The following NADSYN1 variants were observed in gnomAD, a reference collection of about 807,000 sequenced individuals.
The protein encoded by NADSYN1 is glutamine-dependent NAD(+) synthetase.
NADSYN1 carries 80 observed loss-of-function variants against 99.3 expected under a neutral mutation model. The observed-to-expected ratio is 0.81, with a 90% CI of 0.67 to 0.97. NADSYN1 has a LOEUF of 0.97. Ranked by LOEUF, NADSYN1 falls within the 50% of genes least tolerant of loss-of-function variation. The pLI is 0.00. For missense variants in NADSYN1, 859 were observed against 948.5 expected (o/e 0.91, Z 1.24); for synonymous variants, 385 against 372.1 (o/e 1.03, Z -0.40).
chr11:71,467,076 A>C (rs1949597206), intron 5 of NADSYN1, among the ~76,000 whole-genome samples: 1 of 152,206 alleles, frequency 6.6e-6, no homozygotes, highest in Non-Finnish European at 1.5e-5. Flanking sequence ...CTGCACAGAG[A>C]GGGAAGGCTG....
Position 71,484,346 on chromosome 11 carries a change from A to C in NADSYN1, c.1354A>C (p.Lys452Gln). Residue 452 changes from lysine (K) to glutamine (Q), a missense_variant, in exon 15 of 21, where the codon AAG becomes CAG. Physicochemically the swap from Lys to Gln is moderately conservative, Grantham distance 53. Coordinates refer to ENST00000319023, the MANE Select transcript of NADSYN1 (RefSeq NM_018161.5). ...HISLNIDPAV[K>Q]AVMGIFSLVT... is the part of the protein sequence containing the mutation. ...CAGTCTCAACATCGATCCAGCCGTGAAGGCCGTCATGGGCATCTTCAGCCT... is the reference window on the plus strand; with the variant it reads ...CAGTCTCAACATCGATCCAGCCGTGCAGGCCGTCATGGGCATCTTCAGCCT... 1.2e-6 allele frequency: 2 copies of C among 1,614,196 alleles called. No individual in the cohort carries two copies. Among genetic ancestry groups the C allele is most frequent in the Non-Finnish European group, 1.7e-6 (2 of 1,180,008 alleles).
intron 2 of NADSYN1, among the ~76,000 whole-genome samples, chr11:71,455,736 T>C (rs182957977): frequency 3.9e-5 from 6 of 152,354 alleles, no homozygotes; most frequent in African/African-American, 1.2e-4. Context: ...CTGTGAGCAA[T>C]ACATTTCTGC....
At chr11:71,473,499 A>G in intron 7 of NADSYN1, 70 bp from the exon 8 acceptor site, 1 of 1,539,670 alleles carries the variant, frequency 6.5e-7, no homozygotes, top group East Asian at 2.3e-5. Context: ...GGGAGAGTGC[A>G]AGGGGCTGCC....
chr11:71,458,343 G>A (rs1022705230), intron 2 of NADSYN1, 85 bp from the exon 3 acceptor site: 22 of 1,015,000 alleles, frequency 2.2e-5, no homozygotes, highest in African/African-American at 6.3e-5. Flanking sequence ...CCCCAGACAC[G>A]TTCAGACTGG....
Position 71,484,386 on chromosome 11 carries a change from G to A in NADSYN1, c.1394G>A (p.Ser465Asn), listed in dbSNP as rs777641462. Reference sequence around the variant, plus strand: ...ATCTTCAGCCTGGTGACGGGGAAGAGCCCTCTGTTTGCAGCTCATGGAGGA... The same window carrying A: ...ATCTTCAGCCTGGTGACGGGGAAGAACCCTCTGTTTGCAGCTCATGGAGGA... ...MGIFSLVTGK[S>N]PLFAAHGGSS... Residue 465 changes from serine to asparagine, a missense_variant, in exon 15 of 21, where the codon AGC becomes AAC. Physicochemically the swap from Ser to Asn is conservative, Grantham distance 46 (BLOSUM62 1). Transcript: ENST00000319023. The A allele has an allele frequency of 9.9e-6, 16 of 1,614,100 alleles. No individual in the cohort carries two copies. The highest frequency in any genetic ancestry group is 4.0e-5 in the African/African-American group (3 of 74,954).
In NADSYN1 at chr11:71,501,594, C is replaced by G; in HGVS notation, c.*242C>G. Reference sequence around the variant, plus strand: ...CCTCCCGCCAGCGTGCGCTTCCCCGCGAAGTCTGGCATTCTCCGAAGGAAG... The same window carrying G: ...CCTCCCGCCAGCGTGCGCTTCCCCGGGAAGTCTGGCATTCTCCGAAGGAAG... On this transcript the variant is annotated 3_prime_UTR_variant, in exon 21 of 21. Coordinates refer to ENST00000319023, the MANE Select transcript of NADSYN1 (RefSeq NM_018161.5). 3 of 522,890 alleles carry G rather than the reference C, an allele frequency of 5.7e-6. No homozygotes were observed. The South Asian group carries it at 7.9e-5, about 14-fold the overall frequency. 32.4% of individuals were successfully genotyped at this position (522,890 alleles called of 1,614,324 possible). A position where few individuals can be genotyped will look rare whatever the true frequency, so the allele number is the denominator to read the frequency against.
At chr11:71,477,990 G>A (rs534282409) in intron 9 of NADSYN1, among the ~76,000 whole-genome samples, 2 of 152,200 alleles carry the variant, frequency 1.3e-5, no homozygotes, top group Admixed American at 6.5e-5. Flanking sequence ...CCCAGAAGTC[G>A]CTGGCAGAGG....
At chr11:71,497,437 C>A (rs779931414) in intron 18 of NADSYN1, 46 bp from the exon 19 acceptor site, 19 of 1,612,474 alleles carry the variant, frequency 1.2e-5, no homozygotes, top group Non-Finnish European at 1.5e-5. Context: ...GCTCTCCCCC[C>A]GCTGTGACTT....
Position 71,497,464 on chromosome 11 carries a change from A to G in NADSYN1, c.1765-19A>G. The G allele has an allele frequency of 6.2e-7, 1 of 1,614,026 alleles. No homozygotes were observed. On this transcript the variant is annotated intron_variant, in intron 18 of 20. Coordinates refer to ENST00000319023, the MANE Select transcript of NADSYN1 (RefSeq NM_018161.5). ...CTGTGACTTGCTGTCATCATGGAACAGATTTTTGTTGTGCACAGGAAGATA... is the reference window on the plus strand; with the variant it reads ...CTGTGACTTGCTGTCATCATGGAACGGATTTTTGTTGTGCACAGGAAGATA...
chr11:71,463,389 C>T (rs1014625484), intron 3 of NADSYN1, 43 bp from the exon 4 acceptor site: 1 of 1,571,956 alleles, frequency 6.4e-7, no homozygotes, highest in East Asian at 2.2e-5. Flanking sequence ...CTCTGTGTTT[C>T]ATAACCGGGC....
At chr11:71,467,034 C>T (rs1949596841) in intron 5 of NADSYN1, among the ~76,000 whole-genome samples, 1 of 152,172 alleles carries the variant, frequency 6.6e-6, no homozygotes, top group Admixed American at 6.5e-5. Flanking sequence ...ACAGATGGCT[C>T]ACACTAAAAC....
chr11:71,455,227 T>A, intron 2 of NADSYN1, 57 bp downstream of exon 2: 1 of 1,465,492 alleles, frequency 6.8e-7, no homozygotes, highest in Non-Finnish European at 9.5e-7. Context: ...GCATCAGTTT[T>A]CCCCAGCTGA....
At chr11:71,463,995 C>A in intron 4 of NADSYN1, 58 bp from the exon 5 acceptor site, 2 of 1,414,914 alleles carry the variant, frequency 1.4e-6, no homozygotes, top group Non-Finnish European at 2.0e-6. Context: ...CTGACCACCG[C>A]CAGTGGCACG....
At chr11:71,482,238 T>C (rs535774503) in intron 13 of NADSYN1, among the ~76,000 whole-genome samples, 12 of 152,332 alleles carry the variant, frequency 7.9e-5, no homozygotes, top group African/African-American at 2.9e-4. Flanking sequence ...TTCGGGCCCA[T>C]GTGGCTGAGT....
intron 5 of NADSYN1, 24 bp downstream of exon 5, chr11:71,464,166 C>T: frequency 6.4e-7 from 1 of 1,572,856 alleles, no homozygotes; most frequent in Non-Finnish European, 8.7e-7. Flanking sequence ...CTGACCACTC[C>T]TGGGATGTGC....
chr11:71,463,957 C>T, intron 4 of NADSYN1, 96 bp from the exon 5 acceptor site: 1 of 1,023,582 alleles, frequency 9.8e-7, no homozygotes, highest in Non-Finnish European at 1.5e-6. Flanking sequence ...GCTGACTCTG[C>T]ATGGCATCAC....
chr11:71,481,209 C>A, intron 11 of NADSYN1, 147 bp from the exon 12 acceptor site: 1 of 794,050 alleles, frequency 1.3e-6, no homozygotes, highest in Non-Finnish European at 2.1e-6. Flanking sequence ...TGTCCCTTCT[C>A]ACGAGGTGCC....
intron 16 of NADSYN1, among the ~76,000 whole-genome samples, chr11:71,488,551 G>A (rs1025093661): frequency 6.6e-6 from 1 of 152,166 alleles, no homozygotes; most frequent in Admixed American, 6.5e-5. Context: ...GCAGAGGGAG[G>A]TGTGAGACGT....
Position 71,481,885 on chromosome 11 carries a change from C to T in NADSYN1, c.1048-38C>T, listed in dbSNP as rs201958537. ...CTGATCCATGGGCATGCTGCTTCTC[C>T]GAGGCTCTGCTCACGCTGTCTGATT... On this transcript the variant is annotated intron_variant, in intron 12 of 20. Coordinates refer to ENST00000319023, the MANE Select transcript of NADSYN1 (RefSeq NM_018161.5). The T allele has an allele frequency of 3.2e-5, 51 of 1,579,674 alleles. No homozygotes were observed. The Middle Eastern group carries it at 6.7e-4, about 21-fold the overall frequency.
Sources: allele counts gnomAD v4.1 joint callset (sites outside exome capture counted in the v4.1 genomes callset), GRCh38; gene constraint gnomAD v4.1.1; transcripts MANE v1.5; gene names NCBI Gene and HGNC (gene_info 2026-07-23, HGNC 2026-07-21).